The following MACROD2 variants were observed in gnomAD, a reference collection of about 807,000 sequenced individuals.
MACROD2 encodes the protein ADP-ribose glycohydrolase MACROD2.
A neutral mutation model predicts 70.4 loss-of-function variants in MACROD2; 36 were observed. That is an observed-to-expected ratio of 0.51 (90% CI 0.39 to 0.68). MACROD2 has a LOEUF of 0.68. Ranked by LOEUF, MACROD2 falls within the 30% of genes least tolerant of loss-of-function variation. The probability of loss-of-function intolerance (pLI) is 0.00; values close to 1 mark genes in which losing one functional copy is unlikely to be tolerated. For synonymous variants in MACROD2, 172 were observed against 178.8 expected (o/e 0.96, Z 0.30); for missense variants, 496 against 538.4 (o/e 0.92, Z 0.78).
intron 5 of MACROD2, among the ~76,000 whole-genome samples, chr20:14,999,389 TG>T (rs1212371412): frequency 6.6e-6 from 1 of 152,230 alleles, no homozygotes; most frequent in African/African-American, 2.4e-5. Context: ...CCAGGTGCCA[TG>T]ACTCACACCT....
intron 8 of MACROD2, among the ~76,000 whole-genome samples, chr20:15,525,833 A>G (rs2047714079): frequency 6.6e-6 from 1 of 152,198 alleles, no homozygotes; most frequent in Admixed American, 6.5e-5. Flanking sequence ...TCACACAATG[A>G]TCCAGACAGC....
intron 4 of MACROD2, among the ~76,000 whole-genome samples, chr20:14,509,848 T>C (rs1031049788): frequency 6.6e-6 from 1 of 152,030 alleles, no homozygotes; most frequent in Admixed American, 6.5e-5. Context: ...TAGATTTTTC[T>C]TCAGAACTTC....
intron 3 of MACROD2, among the ~76,000 whole-genome samples, chr20:14,118,850 T>C (rs2054544865): frequency 1.3e-5 from 2 of 150,328 alleles, no homozygotes; most frequent in African/African-American, 4.9e-5. Context: ...TGATTTTTTT[T>C]TTTTTTTTTT....
At chr20:15,408,275 CT>C (rs2046031315) in intron 6 of MACROD2, among the ~76,000 whole-genome samples, 1 of 152,198 alleles carries the variant, frequency 6.6e-6, no homozygotes, top group South Asian at 2.1e-4. Context: ...TTACAAACTT[CT>C]GCTTAACCTC....
intron 5 of MACROD2, among the ~76,000 whole-genome samples, chr20:14,787,840 C>G: frequency 6.6e-6 from 1 of 152,074 alleles, no homozygotes. Flanking sequence ...TATTATTTCC[C>G]TGAAGAAATG....
intron 5 of MACROD2, among the ~76,000 whole-genome samples, chr20:15,224,740 G>A (rs1033062551): frequency 1.3e-5 from 2 of 151,990 alleles, no homozygotes; most frequent in African/African-American, 2.4e-5. Context: ...AGGTCAGCCT[G>A]GCCAACATGG....
intron 3 of MACROD2, among the ~76,000 whole-genome samples, chr20:14,266,101 C>T (rs2082142444): frequency 6.6e-6 from 1 of 152,138 alleles, no homozygotes; most frequent in South Asian, 2.1e-4. Context: ...ATTGCAACTT[C>T]ATTTTTCTTT....
At chr20:14,531,553 T>C (rs529762148) in intron 4 of MACROD2, among the ~76,000 whole-genome samples, 1 of 152,276 alleles carries the variant, frequency 6.6e-6, no homozygotes, top group African/African-American at 2.4e-5. Flanking sequence ...ACAGAATAAA[T>C]TTATGTTGTT....
At chr20:15,876,146 G>A (rs2064669838) in intron 9 of MACROD2, among the ~76,000 whole-genome samples, 1 of 120,390 alleles carries the variant, frequency 8.3e-6, no homozygotes, top group Non-Finnish European at 1.6e-5. Flanking sequence ...GTAAGTTCTA[G>A]GGTACATGTG....
intron 5 of MACROD2, among the ~76,000 whole-genome samples, chr20:15,044,854 C>G (rs539799217): frequency 6.6e-6 from 1 of 152,226 alleles, no homozygotes; most frequent in South Asian, 2.1e-4. Flanking sequence ...TTGGGACTCT[C>G]ACAGATAAAA....
At chr20:15,171,288 C>G (rs1220281182) in intron 5 of MACROD2, among the ~76,000 whole-genome samples, 1 of 151,160 alleles carries the variant, frequency 6.6e-6, no homozygotes, top group Non-Finnish European at 1.5e-5. Context: ...CTCCCTTTGT[C>G]TTTCCCTCCA....
intron 4 of MACROD2, among the ~76,000 whole-genome samples, chr20:14,678,953 A>G (rs529126571): frequency 1.4e-4 from 19 of 137,950 alleles, no homozygotes; most frequent in African/African-American, 3.5e-4. Context: ...GTATTATCAG[A>G]AAAAAAAAAA....
At chr20:14,411,993 C>T (rs1167107727) in intron 3 of MACROD2, among the ~76,000 whole-genome samples, 1 of 152,090 alleles carries the variant, frequency 6.6e-6, no homozygotes, top group African/African-American at 2.4e-5. Context: ...TAGAAGTGCC[C>T]CAAGAATCCC....
chr20:14,729,096 T>G (rs1282164883), intron 5 of MACROD2, among the ~76,000 whole-genome samples: 2 of 152,186 alleles, frequency 1.3e-5, no homozygotes, highest in Non-Finnish European at 2.9e-5. Context: ...CACATAATTG[T>G]TCTAGCCTTC....
At chr20:15,379,445 A>G (rs1194556374) in intron 6 of MACROD2, among the ~76,000 whole-genome samples, 1 of 152,088 alleles carries the variant, frequency 6.6e-6, no homozygotes, top group Non-Finnish European at 1.5e-5. Context: ...ACGTAGGCAT[A>G]TGAAAATCCA....
chr20:14,931,850 G>A (rs990573108), intron 5 of MACROD2, among the ~76,000 whole-genome samples: 2 of 147,686 alleles, frequency 1.4e-5, no homozygotes, highest in Non-Finnish European at 3.0e-5. Flanking sequence ...AAAAAAATTA[G>A]CTGGGTGTGA....
intron 7 of MACROD2, among the ~76,000 whole-genome samples, chr20:15,449,125 T>C (rs2046606915): frequency 6.6e-6 from 1 of 152,144 alleles, no homozygotes; most frequent in African/African-American, 2.4e-5. Flanking sequence ...CTGGGGACCA[T>C]GTGGCATCCC....
At chr20:15,089,121 T>C (rs760118325) in intron 5 of MACROD2, among the ~76,000 whole-genome samples, 31 of 152,134 alleles carry the variant, frequency 2.0e-4, no homozygotes, top group Non-Finnish European at 3.7e-4. Flanking sequence ...AAGATAATCA[T>C]GTATTAGCTT....
At chr20:14,378,563 C>T (rs2122766902) in intron 3 of MACROD2, among the ~76,000 whole-genome samples, 1 of 152,336 alleles carries the variant, frequency 6.6e-6, no homozygotes. Context: ...CAAGAGCACT[C>T]TCTGATTAAC....
Sources: allele counts gnomAD v4.1 joint callset (sites outside exome capture counted in the v4.1 genomes callset), GRCh38; gene constraint gnomAD v4.1.1; transcripts MANE v1.5; gene names NCBI Gene and HGNC (gene_info 2026-07-23, HGNC 2026-07-21).